Variants in TOM1L2 observed in about 807,000 individuals in gnomAD.
TOM1L2 encodes the protein target of myb1 like 2 membrane trafficking protein.
A neutral mutation model predicts 67.9 loss-of-function variants in TOM1L2; 31 were observed. The observed-to-expected ratio is 0.46, with a 90% confidence interval of 0.34 to 0.62. TOM1L2 has a LOEUF of 0.62. Ranked by LOEUF, TOM1L2 falls within the 20% of genes least tolerant of loss-of-function variation. The probability of loss-of-function intolerance (pLI) is 0.01; values close to 1 mark genes in which losing one functional copy is unlikely to be tolerated. For missense variants in TOM1L2, 606 were observed against 663.5 expected (o/e 0.91, Z 0.95); for synonymous variants, 256 against 254.0 (o/e 1.01, Z -0.07).
chr17:17,852,072 C>T (rs1478857855), intron 12 of TOM1L2, among the ~76,000 whole-genome samples: 4 of 151,980 alleles, frequency 2.6e-5, no homozygotes, highest in African/African-American at 9.7e-5. Flanking sequence ...AGGTACCCTT[C>T]CGGGGCTCAC....
Position 17,847,235 on chromosome 17 carries a change from GAGA to G in TOM1L2, c.*397_*399del. 1 of 217,984 alleles carries G rather than the reference GAGA, an allele frequency of 4.6e-6. No individual in the cohort carries two copies. 13.5% of individuals were successfully genotyped at this position (217,984 alleles called of 1,614,324 possible). A position where few individuals can be genotyped will look rare whatever the true frequency, so the allele number is the denominator to read the frequency against. On this transcript the variant is annotated 3_prime_UTR_variant, in exon 15 of 15. Coordinates refer to ENST00000379504, the MANE Select transcript of TOM1L2 (RefSeq NM_001082968.2). ...AGGGGCCCAGGAGGGCAGAATGCCTGAGAAGGTCGCTGAGCCAGGCAGAGGTGA... is the reference window on the plus strand; with the variant it reads ...AGGGGCCCAGGAGGGCAGAATGCCTGAGGTCGCTGAGCCAGGCAGAGGTGA...
intron 9 of TOM1L2, 149 bp downstream of exon 9, chr17:17,866,727 G>A: frequency 4.6e-6 from 4 of 871,242 alleles, no homozygotes; most frequent in Non-Finnish European, 7.5e-6. Flanking sequence ...TGCTAGCTCT[G>A]CCCTAGTATC....
chr17:17,925,088 C>A (rs922368775), intron 1 of TOM1L2, among the ~76,000 whole-genome samples: 8 of 152,152 alleles, frequency 5.3e-5, no homozygotes, highest in Non-Finnish European at 1.0e-4. Flanking sequence ...CCTTCCCCTT[C>A]TGCCATGAGT....
chr17:17,949,326 T>C (rs919850363), intron 1 of TOM1L2, among the ~76,000 whole-genome samples: 6 of 152,144 alleles, frequency 3.9e-5, no homozygotes, highest in South Asian at 2.1e-4. Flanking sequence ...GCATAGAGCA[T>C]AGGGCCCAGT....
chr17:17,888,823 G>A (rs1312791728), intron 4 of TOM1L2, among the ~76,000 whole-genome samples: 1 of 152,252 alleles, frequency 6.6e-6, no homozygotes, highest in East Asian at 1.9e-4. Context: ...GGCATAGAGT[G>A]GGAGCATCCT....
intron 1 of TOM1L2, among the ~76,000 whole-genome samples, chr17:17,920,209 C>T (rs1231559234): frequency 6.7e-6 from 1 of 150,346 alleles, no homozygotes; most frequent in Non-Finnish European, 1.5e-5. Context: ...TCACTTTATT[C>T]TCTCGTTCTT....
intron 1 of TOM1L2, among the ~76,000 whole-genome samples, chr17:17,943,664 C>A (rs1279956009): frequency 6.6e-6 from 1 of 152,190 alleles, no homozygotes; most frequent in Non-Finnish European, 1.5e-5. Flanking sequence ...AGTCTACACT[C>A]CACACTGCCC....
Position 17,847,662 on chromosome 17 carries a change from C to T in TOM1L2, c.1497G>A (p.Arg499=), listed in dbSNP as rs759775536. ...SNPSGRKKPE[R]SEDALFAL ...ACAGGGCGAAGAGGGCATCCTCTGA[C>T]CGCTCTGGCTTCTTCCGGCCAGAAG... The change falls in exon 15 of 15, where the codon CGG becomes CGA. Residue 499 remains arginine, a synonymous_variant. Transcript: ENST00000379504. 3.1e-6 allele frequency: 5 copies of T among 1,613,418 alleles called. No homozygotes were observed. The Admixed American group carries it at 5.0e-5, about 16-fold the overall frequency.
chr17:17,912,440 C>T (rs1434613127), intron 1 of TOM1L2, among the ~76,000 whole-genome samples: 1 of 146,636 alleles, frequency 6.8e-6, no homozygotes, highest in Non-Finnish European at 1.5e-5. Context: ...GGGGCGGTTG[C>T]CAGGCAGAGG....
At chr17:17,969,267 G>A (rs2041981784) in intron 1 of TOM1L2, among the ~76,000 whole-genome samples, 1 of 151,974 alleles carries the variant, frequency 6.6e-6, no homozygotes, top group African/African-American at 2.4e-5. Context: ...ATATTGGTCA[G>A]GCTGGCCTCC....
At chr17:17,848,954 C>T in intron 13 of TOM1L2, 95 bp from the exon 14 acceptor site, 1 of 1,284,682 alleles carries the variant, frequency 7.8e-7, no homozygotes, top group Non-Finnish European at 1.1e-6. Context: ...TAGGACAGCA[C>T]TGCCCAGGGT....
At chr17:17,906,461 C>T (rs1054452137) in intron 2 of TOM1L2, among the ~76,000 whole-genome samples, 2 of 151,980 alleles carry the variant, frequency 1.3e-5, no homozygotes, top group Non-Finnish European at 2.9e-5. Context: ...TTTAACATTG[C>T]TAATTCCCAG....
chr17:17,907,890 G>C (rs2039168817), intron 1 of TOM1L2, among the ~76,000 whole-genome samples: 1 of 152,150 alleles, frequency 6.6e-6, no homozygotes, highest in Non-Finnish European at 1.5e-5. Flanking sequence ...GTGTGGTCTT[G>C]GGTAAATTAC....
At chr17:17,939,178 G>T (rs2040628725) in intron 1 of TOM1L2, among the ~76,000 whole-genome samples, 1 of 152,232 alleles carries the variant, frequency 6.6e-6, no homozygotes, top group Non-Finnish European at 1.5e-5. Flanking sequence ...CCTCTCTAGT[G>T]TGACTTTCTC....
chr17:17,953,534 T>C (rs565828957), intron 1 of TOM1L2, among the ~76,000 whole-genome samples: 31 of 152,200 alleles, frequency 2.0e-4, no homozygotes, highest in African/African-American at 7.2e-4. Context: ...AGATCCCAAA[T>C]AGGGACCACC....
intron 11 of TOM1L2, chr17:17,862,226 T>C (rs945579403): frequency 2.0e-5 from 3 of 153,658 alleles, no homozygotes; most frequent in African/African-American, 7.2e-5. Flanking sequence ...CTCCCTGAGA[T>C]GTAGGAGATT....
chr17:17,961,295 G>A (rs970440400), intron 1 of TOM1L2, among the ~76,000 whole-genome samples: 11 of 152,256 alleles, frequency 7.2e-5, no homozygotes, highest in Middle Eastern at 3.4e-3. Flanking sequence ...AGGGGTTCAC[G>A]TCCTATAATC....
At chr17:17,879,208 T>C (rs2037585609) in intron 7 of TOM1L2, among the ~76,000 whole-genome samples, 1 of 152,308 alleles carries the variant, frequency 6.6e-6, no homozygotes, top group African/African-American at 2.4e-5. Flanking sequence ...CAAAATGTGA[T>C]GTTGAGGGAC....
intron 1 of TOM1L2, among the ~76,000 whole-genome samples, chr17:17,945,445 AC>A (rs1040199182): frequency 6.6e-6 from 1 of 152,214 alleles, no homozygotes; most frequent in African/African-American, 2.4e-5. Context: ...ATACATCAAA[AC>A]AAACATGGAT....
Sources: gnomAD v4.1 joint callset for allele counts (sites outside exome capture counted in the v4.1 genomes callset) on GRCh38, gnomAD v4.1.1 for gene constraint, MANE v1.5 for transcripts, NCBI Gene and HGNC (gene_info 2026-07-23, HGNC 2026-07-21) for gene names.